The following BNC2 variants were observed in gnomAD, a reference collection of about 807,000 sequenced individuals.
The protein encoded by BNC2 is basonuclin zinc finger protein 2.
A neutral mutation model predicts 76.3 loss-of-function variants in BNC2; 20 were observed. That is an observed-to-expected ratio of 0.26 (90% confidence interval 0.18 to 0.38). The LOEUF is 0.38. Among genes scored for constraint, BNC2 ranks in the 10% least tolerant of loss-of-function variants. The pLI, the probability that BNC2 is intolerant of heterozygous loss-of-function variation, is 1.00. For synonymous variants in BNC2, 582 were observed against 514.8 expected, an observed-to-expected ratio of 1.13 and a Z score of -1.77; for missense variants, 1,382 against 1,399.8, an observed-to-expected ratio of 0.99 and a Z score of 0.20.
intron 5 of BNC2, among the ~76,000 whole-genome samples, chr9:16,457,608 G>T (rs893905171): frequency 6.6e-6 from 1 of 152,200 alleles, no homozygotes; most frequent in South Asian, 2.1e-4. Context: ...TTGCAACTCA[G>T]TGCCCACAGT....
intron 1 of BNC2, among the ~76,000 whole-genome samples, chr9:16,765,820 T>C (rs1259974496): frequency 6.6e-6 from 1 of 150,496 alleles, no homozygotes; most frequent in Non-Finnish European, 1.5e-5. Flanking sequence ...GGAGTCTAGC[T>C]CTGTCGCCCA....
At chr9:16,514,890 A>G (rs1384826628) in intron 5 of BNC2, among the ~76,000 whole-genome samples, 1 of 152,216 alleles carries the variant, frequency 6.6e-6, no homozygotes, top group Non-Finnish European at 1.5e-5. Flanking sequence ...CTGGATAAGC[A>G]GATCATCTTG....
chr9:16,570,534 G>A (rs540227175), intron 4 of BNC2, among the ~76,000 whole-genome samples: 1 of 152,258 alleles, frequency 6.6e-6, no homozygotes, highest in Admixed American at 6.5e-5. Flanking sequence ...AGTAACCGGT[G>A]GGATAAAAAG....
At position 16,796,355 on chromosome 9, in the gene BNC2, A is replaced by G. The variant is rs151318738; in HGVS notation, c.4-57870T>C. 3.3e-5 allele frequency among the ~76,000 whole-genome samples: 5 copies of G among 152,354 alleles called. No homozygotes were observed. The East Asian group carries it at 9.7e-4, about 29-fold the overall frequency. ...TAGATTTCATAACTGATGTCTTCTA[A>G]CTTAAAGCCCTGTGCTGACAGGACT... On this transcript the variant is annotated intron_variant, in intron 1 of 6. Coordinates refer to ENST00000380672, the MANE Select transcript of BNC2 (RefSeq NM_017637.6).
intron 4 of BNC2, 127 bp from the exon 5 acceptor site, chr9:16,552,892 G>T (rs1818709285): frequency 4.1e-6 from 3 of 738,556 alleles, no homozygotes; most frequent in Non-Finnish European, 7.1e-6. Flanking sequence ...GTTCGCCATA[G>T]GTGTTTAAGC....
At chr9:16,815,537 CT>C (rs1337138926) in intron 1 of BNC2, among the ~76,000 whole-genome samples, 1 of 152,132 alleles carries the variant, frequency 6.6e-6, no homozygotes, top group African/African-American at 2.4e-5. Context: ...GATCTGGGAT[CT>C]AAAGATAAGT....
chr9:16,538,976 T>C (rs183022798), intron 5 of BNC2, among the ~76,000 whole-genome samples: 3 of 152,186 alleles, frequency 2.0e-5, no homozygotes, highest in Admixed American at 2.0e-4. Context: ...AGTCACCAAC[T>C]TCCACTAAAC....
intron 1 of BNC2, chr9:16,867,436 T>G (rs1208061281): frequency 1.3e-5 from 2 of 152,194 alleles, no homozygotes; most frequent in African/African-American, 4.8e-5. Flanking sequence ...GTATGCCATC[T>G]TACAATAACC....
intron 5 of BNC2, among the ~76,000 whole-genome samples, chr9:16,497,943 A>AT (rs1194679283): frequency 1.3e-5 from 2 of 150,256 alleles, no homozygotes; most frequent in African/African-American, 4.9e-5. Flanking sequence ...ACCAACCCAA[A>AT]TGCCCACCGA....
At position 16,417,830 on chromosome 9, in the gene BNC2, T is replaced by G. The variant is rs920428635; in HGVS notation, c.*1159A>C. 8 of 152,682 alleles carry G rather than the reference T, an allele frequency of 5.2e-5. No individual in the cohort carries two copies. Among genetic ancestry groups the G allele is most frequent in the African/African-American group, 1.9e-4 (8 of 41,464 alleles). 9.5% of individuals were successfully genotyped at this position (152,682 alleles called of 1,614,324 possible). ...TAATTTTGTTTTCCTTTTATGTAACTTAACGTATAAGCAAGAAGGATGCAA... is the reference window on the plus strand; with the variant it reads ...TAATTTTGTTTTCCTTTTATGTAACGTAACGTATAAGCAAGAAGGATGCAA... On this transcript the variant is annotated 3_prime_UTR_variant, in exon 7 of 7. Transcript: ENST00000380672.
At chr9:16,635,629 T>C (rs536488385) in intron 3 of BNC2, among the ~76,000 whole-genome samples, 62 of 152,220 alleles carry the variant, frequency 4.1e-4, no homozygotes, top group Non-Finnish European at 8.4e-4. Flanking sequence ...GCAAAAGATA[T>C]AATTAGAAGT....
chr9:16,671,411 A>C (rs1039585480), intron 3 of BNC2, among the ~76,000 whole-genome samples: 1 of 152,216 alleles, frequency 6.6e-6, no homozygotes, highest in Non-Finnish European at 1.5e-5. Flanking sequence ...GCTGGAGAAC[A>C]CATCTAGCCT....
chr9:16,547,696 C>T (rs919883274), intron 5 of BNC2, among the ~76,000 whole-genome samples: 1 of 152,140 alleles, frequency 6.6e-6, no homozygotes, highest in African/African-American at 2.4e-5. Flanking sequence ...CACGCAGAGA[C>T]ACAAGTAAGG....
chr9:16,439,472 G>C (rs781009475), intron 5 of BNC2, among the ~76,000 whole-genome samples: 7 of 152,182 alleles, frequency 4.6e-5, no homozygotes, highest in Non-Finnish European at 1.0e-4. Context: ...AGCAACATTT[G>C]AATAAAGTCT....
chr9:16,436,945 T>C lies in BNC2; in HGVS notation c.1249A>G (p.Thr417Ala), dbSNP rs1463728630. ...NSAPVSDLTK[T>A]EHPKSSFRIH... ...CGGAATGAGCTTTTTGGGTGTTCAG[T>C]TTTGGTTAGATCACTGACTGGGGCA... The change falls in exon 6 of 7, where the codon ACT becomes GCT. Residue 417 changes from threonine (T) to alanine (A), a missense_variant. Around this residue, in one of 3 missense-constraint regions of BNC2, gnomAD observed 557 missense variants for 540.9 expected, o/e 1.03. Coordinates refer to ENST00000380672, the MANE Select transcript of BNC2 (RefSeq NM_017637.6). The C allele has an allele frequency of 1.9e-6, 3 of 1,614,134 alleles. No homozygotes were observed. Among genetic ancestry groups the C allele is most frequent in the Admixed American group, 1.7e-5 (1 of 60,008 alleles).
At chr9:16,477,716 T>C (rs1021709746) in intron 5 of BNC2, among the ~76,000 whole-genome samples, 1 of 152,202 alleles carries the variant, frequency 6.6e-6, no homozygotes, top group Admixed American at 6.5e-5. Flanking sequence ...GAATTTTCTT[T>C]TTTATCAAAA....
intron 1 of BNC2, among the ~76,000 whole-genome samples, chr9:16,814,871 T>C (rs926819531): frequency 1.3e-5 from 2 of 152,146 alleles, no homozygotes; most frequent in African/African-American, 4.8e-5. Flanking sequence ...TTTTCTTCCC[T>C]ATTAGTTCTA....
chr9:16,676,850 A>G (rs1822659342), intron 3 of BNC2, among the ~76,000 whole-genome samples: 2 of 152,218 alleles, frequency 1.3e-5, no homozygotes, highest in South Asian at 4.1e-4. Flanking sequence ...ATTCACTAAC[A>G]CACTTCTGAA....
At chr9:16,603,485 A>T (rs7032523) in intron 3 of BNC2, among the ~76,000 whole-genome samples, 142,182 of 152,256 alleles carry the variant, frequency 0.93, 66,441 homozygotes, top group East Asian at 1. Flanking sequence ...AAAGTCACAA[A>T]TTTTTTGTCT....
Sources: gnomAD v4.1 joint callset for allele counts (sites outside exome capture counted in the v4.1 genomes callset) on GRCh38, gnomAD v4.1.1 for gene constraint, gnomAD v4.1.1 regional missense constraint, MANE v1.5 for transcripts, NCBI Gene and HGNC (gene_info 2026-07-23, HGNC 2026-07-21) for gene names.